BEND2: variants seen among roughly 807,000 people sequenced by gnomAD.
BEND2 encodes the protein BEN domain containing 2, also known as BEN domain-containing protein 2.
A neutral mutation model predicts 43.8 loss-of-function variants in BEND2; 19 were observed. That is an observed-to-expected ratio of 0.43 (90% CI 0.30 to 0.64). The LOEUF is 0.64. Among genes scored for constraint, BEND2 ranks in the 30% least tolerant of loss-of-function variants. The pLI is 0.11. For missense variants in BEND2, 544 were observed against 574.0 expected, an observed-to-expected ratio of 0.95 and a Z score of 0.53; for synonymous variants, 226 against 210.1, an observed-to-expected ratio of 1.08 and a Z score of -0.66.
At chrX:18,205,605 CAAAAAAAAAAAAA>C (rs147435323) in intron 4 of BEND2, among the ~76,000 whole-genome samples, 393 of 24,192 alleles carry the variant, frequency 0.016, 10 homozygotes, top group South Asian at 0.13. Context: ...GACCCTGTCT[CAAAAAAAAAAAAA>C]AAAAAAAAAA....
In BEND2 at chrX:18,212,685, G is replaced by A. The variant is rs760862724; in HGVS notation, c.377-5C>T. Reference sequence around the variant, plus strand: ...CTATTTGGTCACCATGGGCTACTGTGAAGCAATGCATTAAAAAGTTATTTC... The same window carrying A: ...CTATTTGGTCACCATGGGCTACTGTAAAGCAATGCATTAAAAAGTTATTTC... On this transcript the variant is annotated splice_polypyrimidine_tract_variant and splice_region_variant and intron_variant, in intron 3 of 13. Transcript: ENST00000380033. The A allele has an allele frequency of 1.2e-5, 13 of 1,130,294 alleles. No homozygotes were observed. The South Asian group carries it at 2.2e-4, about 19-fold the overall frequency. 93.1% of individuals were successfully genotyped at this position (1,130,294 alleles called of 1,213,427 possible).
At chrX:18,196,722 A>G (rs989846493) in intron 6 of BEND2, among the ~76,000 whole-genome samples, 1 of 109,101 alleles carries the variant, frequency 9.2e-6, no homozygotes, top group Non-Finnish European at 1.9e-5. Flanking sequence ...CCTACATGCC[A>G]TAAGATTCCC....
intron 5 of BEND2, among the ~76,000 whole-genome samples, chrX:18,202,772 G>T (rs1158725911): frequency 8.9e-6 from 1 of 112,023 alleles, no homozygotes; most frequent in Admixed American, 9.5e-5. Context: ...ATAACCAGCA[G>T]TTGCACTCTT....
intron 6 of BEND2, among the ~76,000 whole-genome samples, chrX:18,199,805 C>T (rs914007734): frequency 4.5e-5 from 5 of 110,203 alleles, no homozygotes; most frequent in African/African-American, 1.3e-4. Flanking sequence ...GAAAGAAAGG[C>T]TGAAGAAAAG....
In BEND2 at chrX:18,201,785, G is replaced by A. The variant is rs375024412; in HGVS notation, c.1033+30C>T. The A allele has an allele frequency of 1.7e-5, 20 of 1,184,654 alleles. No individual in the cohort carries two copies. The African/African-American group carries it at 1.8e-4, about 11-fold the overall frequency. ...TGGGATTACAAGTGTGAGCCACCAC[G>A]CCCAGCATTATGTATCATTTCAAAC... On this transcript the variant is annotated intron_variant, in intron 6 of 13. Coordinates refer to ENST00000380033, the MANE Select transcript of BEND2 (RefSeq NM_153346.5).
chrX:18,177,921 G>T, intron 9 of BEND2, 152 bp from the exon 10 acceptor site: 1 of 563,027 alleles, frequency 1.8e-6, no homozygotes, highest in Non-Finnish European at 2.8e-6. Flanking sequence ...ATTTCTACTT[G>T]GGTGAATTTT....
At chrX:18,212,131 G>A (rs751552749) in intron 4 of BEND2, among the ~76,000 whole-genome samples, 4 of 79,854 alleles carry the variant, frequency 5.0e-5, no homozygotes, top group Non-Finnish European at 9.2e-5. Context: ...GTATTGTTCT[G>A]TCACCCAGGC....
At position 18,162,944 on chromosome X, in the gene BEND2, A is replaced by T. The variant is rs897903362; in HGVS notation, c.*2065T>A. On this transcript the variant is annotated 3_prime_UTR_variant, in exon 14 of 14. Coordinates refer to ENST00000380033, the MANE Select transcript of BEND2 (RefSeq NM_153346.5). ...TGAGCATCTGTATTAAGGCATTTTAAATGTTTATTTATTGTATCTATTTGG... is the reference window on the plus strand; with the variant it reads ...TGAGCATCTGTATTAAGGCATTTTATATGTTTATTTATTGTATCTATTTGG... 1.8e-5 allele frequency: 2 copies of T among 112,335 alleles called. No homozygotes were observed. Among genetic ancestry groups the T allele is most frequent in the Non-Finnish European group, 3.8e-5 (2 of 53,223 alleles). The allele number at this position is 112,335 out of a possible 1,213,427, so 9.3% of individuals were successfully genotyped here.
intron 6 of BEND2, among the ~76,000 whole-genome samples, chrX:18,199,132 G>A (rs1025799040): frequency 9.4e-6 from 1 of 106,424 alleles, no homozygotes; most frequent in Non-Finnish European, 1.9e-5. Context: ...CAGCACACCA[G>A]CATGGCACAT....
rs140866693 is a variant in BEND2 at position 18,172,436 on chromosome X, T to C, written c.1982-1232A>G. Among the ~76,000 whole-genome samples, 572 of 111,549 alleles carry C rather than the reference T, an allele frequency of 5.1e-3. 8 individuals carry two copies. Among genetic ancestry groups the C allele is most frequent in the African/African-American group, 0.017 (525 of 30,705 alleles). On this transcript the variant is annotated intron_variant, in intron 12 of 13. Transcript: ENST00000380033. The stretch of plus-strand genomic sequence containing the variant: ...GGGCTGGTGCAGTGGCTCACACCTG[T>C]AATCCAGCACTTTGGGAGGCTGAGG...
In BEND2 at chrX:18,175,985, C is replaced by A. The variant is rs145927832; in HGVS notation, c.1739G>T (p.Gly580Val). The A allele has an allele frequency of 1.8e-3, 2,113 of 1,187,368 alleles. 26 individuals carry two copies. In the African/African-American group the frequency reaches 0.031, roughly 18 times the overall value. ...AAAATAACTTACTGGAGTACTCTTG[C>A]CTTCAGAACATAAACAGTAGATCAT... is the stretch of plus-strand genomic sequence containing the variant. ...NSMIYCLCSE[G>V]KSTPKTVRKN... is the part of the protein sequence containing the mutation. Residue 580 changes from glycine (G) to valine (V), a missense_variant, in exon 11 of 14, where the codon GGC becomes GTC. Physicochemically the swap from Gly to Val is moderately radical, Grantham distance 109. Around this residue, in one of 2 missense-constraint regions of BEND2, gnomAD observed 501 missense variants for 501.6 expected, o/e 1.00. Coordinates refer to ENST00000380033, the MANE Select transcript of BEND2 (RefSeq NM_153346.5).
At chrX:18,189,736 G>A (rs183080325) in intron 8 of BEND2, among the ~76,000 whole-genome samples, 12 of 111,458 alleles carry the variant, frequency 1.1e-4, no homozygotes, top group Non-Finnish European at 1.3e-4. Flanking sequence ...AGCACATGAA[G>A]AGCCATACAT....
chrX:18,196,951 A>G (rs1371057011), intron 6 of BEND2, among the ~76,000 whole-genome samples: 1 of 111,636 alleles, frequency 9.0e-6, no homozygotes, highest in African/African-American at 3.3e-5. Context: ...AAATACAGAT[A>G]CACCCACAGA....
intron 6 of BEND2, among the ~76,000 whole-genome samples, chrX:18,198,071 AAAC>A (rs1925017979): frequency 8.9e-6 from 1 of 111,745 alleles, no homozygotes; most frequent in Non-Finnish European, 1.9e-5. Context: ...GTAAAGACTT[AAAC>A]GTTAGACCTA....
intron 3 of BEND2, 42 bp downstream of exon 3, chrX:18,213,732 C>A: frequency 7.2e-6 from 1 of 139,568 alleles, no homozygotes; most frequent in South Asian, 1.3e-4. Flanking sequence ...GGCAACATAG[C>A]AAGATATCAT....
chrX:18,182,767 C>CG (rs1924429208), intron 8 of BEND2, among the ~76,000 whole-genome samples: 1 of 111,165 alleles, frequency 9.0e-6, no homozygotes, highest in South Asian at 3.8e-4. Context: ...AGGCCGGGCA[C>CG]GGGGGGCTTA....
At position 18,163,567 on chromosome X, in the gene BEND2, C is replaced by A. The variant is rs769031888; in HGVS notation, c.*1442G>T. 7 of 111,923 alleles carry A rather than the reference C, an allele frequency of 6.3e-5. No individual in the cohort carries two copies. The highest frequency in any genetic ancestry group is 2.9e-4 in the Admixed American group (3 of 10,488). The allele number at this position is 111,923 out of a possible 1,213,427, so 9.2% of individuals were successfully genotyped here. A position where few individuals can be genotyped will look rare whatever the true frequency, so the allele number is the denominator to read the frequency against. ...TATCAGACAAGACTGCTCTAAATAA[C>A]TTCTAAAAACCACTAATGTAATAAA... is the stretch of plus-strand genomic sequence containing the variant. On this transcript the variant is annotated 3_prime_UTR_variant, in exon 14 of 14. Coordinates refer to ENST00000380033, the MANE Select transcript of BEND2 (RefSeq NM_153346.5).
intron 13 of BEND2, 157 bp downstream of exon 13, chrX:18,170,844 A>G (rs1923950046): frequency 1.0e-6 from 1 of 980,415 alleles, no homozygotes; most frequent in Non-Finnish European, 1.4e-6. Flanking sequence ...AATACAATTC[A>G]TGATCTTGCT....
Position 18,203,806 on chromosome X carries a change from T to G in BEND2, c.602A>C (p.Asp201Ala), listed in dbSNP as rs764104287. 3.3e-6 allele frequency: 4 copies of G among 1,210,903 alleles called. No individual in the cohort carries two copies. The East Asian group carries it at 1.2e-4, about 36-fold the overall frequency. The change falls in exon 5 of 14, where the codon GAC becomes GCC. Residue 201 changes from aspartate to alanine, a missense_variant. Physicochemically the swap from Asp to Ala is moderately radical, Grantham distance 126. Coordinates refer to ENST00000380033, the MANE Select transcript of BEND2 (RefSeq NM_153346.5). The stretch of plus-strand genomic sequence containing the variant: ...GGGATATGATAAACTCTCACTGAGG[T>G]CTGCTTCCTGCAGTTCATGACATGC... ...SAACHELQEA[D>A]LSESLSYPRI...
Sources: gnomAD v4.1 joint callset for allele counts (sites outside exome capture counted in the v4.1 genomes callset) on GRCh38, gnomAD v4.1.1 for gene constraint, gnomAD v4.1.1 regional missense constraint, MANE v1.5 for transcripts, NCBI Gene and HGNC (gene_info 2026-07-23, HGNC 2026-07-21) for gene names.